Variants in PCBP3 observed in about 807,000 individuals in gnomAD.
PCBP3 encodes poly(rC) binding protein 3, also known as poly(rC)-binding protein 3.
A neutral mutation model predicts 52.7 loss-of-function variants in PCBP3; 25 were observed. The ratio of observed to expected loss-of-function variants is 0.47; its 90% CI spans 0.35 to 0.66. The LOEUF is 0.66. Ranked by LOEUF, PCBP3 falls within the 30% of genes least tolerant of loss-of-function variation. PCBP3 has a pLI of 0.01. For missense variants in PCBP3, 391 were observed against 490.3 expected (o/e 0.80, Z 1.91); for synonymous variants, 162 against 183.0 (o/e 0.89, Z 0.93).
intron 4 of PCBP3, among the ~76,000 whole-genome samples, chr21:45,757,158 C>G (rs866206137): frequency 6.6e-6 from 1 of 152,178 alleles, no homozygotes; most frequent in Non-Finnish European, 1.5e-5. Context: ...CATGTGTGAG[C>G]GTTCCGGTTT....
chr21:45,886,127 C>G (rs943219601), intron 5 of PCBP3, among the ~76,000 whole-genome samples: 1 of 98,400 alleles, frequency 1.0e-5, no homozygotes, highest in East Asian at 4.3e-4. Context: ...GCCGCTGGTA[C>G]CAAGGACAGA....
At chr21:45,911,249 G>A (rs1034705456) in intron 11 of PCBP3, 20 of 633,964 alleles carry the variant, frequency 3.2e-5, no homozygotes, top group African/African-American at 9.0e-5. Context: ...TCGTGGGGGC[G>A]TCTAGGGGAG....
intron 4 of PCBP3, among the ~76,000 whole-genome samples, chr21:45,831,828 A>G (rs2093458264): frequency 6.6e-6 from 1 of 152,192 alleles, no homozygotes; most frequent in South Asian, 2.1e-4. Flanking sequence ...CTCCTGCCTC[A>G]GCCTCCTGAG....
At chr21:45,715,926 CTT>C (rs918924145) in intron 2 of PCBP3, among the ~76,000 whole-genome samples, 4 of 152,042 alleles carry the variant, frequency 2.6e-5, no homozygotes, top group African/African-American at 9.7e-5. Flanking sequence ...TGTGGGTTGA[CTT>C]TTTACTTTTT....
intron 13 of PCBP3, among the ~76,000 whole-genome samples, chr21:45,920,217 G>A (rs560778113): frequency 5.3e-5 from 8 of 152,276 alleles, no homozygotes; most frequent in South Asian, 2.1e-4. Flanking sequence ...GACACCTTAC[G>A]GATTTCCTGT....
intron 2 of PCBP3, among the ~76,000 whole-genome samples, chr21:45,731,146 A>G (rs576845742): frequency 6.6e-6 from 1 of 151,994 alleles, no homozygotes; most frequent in Admixed American, 6.5e-5. Context: ...AGTACTTTCT[A>G]TGATCAGTTT....
chr21:45,908,711 A>G (rs542767013), intron 9 of PCBP3, among the ~76,000 whole-genome samples: 5 of 152,116 alleles, frequency 3.3e-5, no homozygotes, highest in Non-Finnish European at 7.4e-5. Flanking sequence ...GACACGCCCC[A>G]TGCGGCTGAC....
chr21:45,736,954 G>A lies in PCBP3; in HGVS notation c.-162+1525G>A, dbSNP rs1224208027. On this transcript the variant is annotated intron_variant, in intron 3 of 17. Coordinates refer to ENST00000681687, the MANE Select transcript of PCBP3 (RefSeq NM_001384156.1). This position sits in a 1 kb window ranked among gnomAD's most constrained non-coding sequence, Gnocchi z 4.6. ...GAATAGGCCGTCAGGTCAGCCCTGA[G>A]ACACGGGGCATCTGCGCGAGTCTTG... Among the ~76,000 whole-genome samples, 1 of 152,082 alleles carries A rather than the reference G, an allele frequency of 6.6e-6. No individual in the cohort carries two copies. Among genetic ancestry groups the A allele is most frequent in the African/African-American group, 2.4e-5 (1 of 41,392 alleles).
At chr21:45,644,058 G>A (rs969341808) in intron 1 of PCBP3, among the ~76,000 whole-genome samples, 190 bp downstream of exon 1, 2 of 150,138 alleles carry the variant, frequency 1.3e-5, no homozygotes, top group Admixed American at 1.3e-4. Flanking sequence ...GCGGCCCGGG[G>A]CAGCGAGGGG....
intron 1 of PCBP3, among the ~76,000 whole-genome samples, chr21:45,664,706 G>A (rs1380754968): frequency 3.3e-5 from 5 of 149,650 alleles, no homozygotes; most frequent in Admixed American, 1.3e-4. Context: ...ATGCTGGTGC[G>A]CTGCACCCAC....
At chr21:45,778,238 T>C (rs1474560520) in intron 4 of PCBP3, among the ~76,000 whole-genome samples, 2 of 152,110 alleles carry the variant, frequency 1.3e-5, no homozygotes, top group Non-Finnish European at 2.9e-5. Context: ...CAGTTAGTAG[T>C]GGAGCTGTGC....
chr21:45,814,869 G>T, intron 4 of PCBP3, among the ~76,000 whole-genome samples: 1 of 130,646 alleles, frequency 7.7e-6, no homozygotes, highest in East Asian at 2.6e-4. Context: ...GATGAGTGGT[G>T]ACTGGTGAGT....
At chr21:45,790,021 T>C (rs2091434164) in intron 4 of PCBP3, among the ~76,000 whole-genome samples, 1 of 152,086 alleles carries the variant, frequency 6.6e-6, no homozygotes. Flanking sequence ...GCGCCTGTAA[T>C]CCCAGCTACG....
rs76341343 is a variant in PCBP3 at position 45,848,657 on chromosome 21, T to C, written c.-125-1304T>C. 4.5e-3 allele frequency among the ~76,000 whole-genome samples: 689 copies of C among 152,374 alleles called. 3 individuals are homozygous for C. The highest frequency in any genetic ancestry group is 0.015 in the African/African-American group (642 of 41,594). ...CTGTCCTGGGTTAAATTAATTCTCA[T>C]TTCACAGTTTTTTGTTTTAACTGTA... On this transcript the variant is annotated intron_variant, in intron 4 of 17. Coordinates refer to ENST00000681687, the MANE Select transcript of PCBP3 (RefSeq NM_001384156.1).
chr21:45,688,898 A>G (rs1391806272), intron 2 of PCBP3, among the ~76,000 whole-genome samples: 1 of 151,964 alleles, frequency 6.6e-6, no homozygotes, highest in Non-Finnish European at 1.5e-5. Context: ...CAAATTACTA[A>G]AATTGACTCA....
At chr21:45,843,581 G>A (rs759757737) in intron 4 of PCBP3, among the ~76,000 whole-genome samples, 4 of 152,046 alleles carry the variant, frequency 2.6e-5, no homozygotes, top group Admixed American at 6.6e-5. Context: ...ACAAATTTTG[G>A]CATGCAATAA....
chr21:45,796,096 C>T (rs1273377156), intron 4 of PCBP3, among the ~76,000 whole-genome samples: 1 of 152,136 alleles, frequency 6.6e-6, no homozygotes, highest in African/African-American at 2.4e-5. Context: ...CCTGACGATC[C>T]CCTCTGCAGG....
intron 14 of PCBP3, 133 bp downstream of exon 14, chr21:45,930,128 A>G (rs774330183): frequency 1.4e-5 from 4 of 285,096 alleles, no homozygotes; most frequent in South Asian, 7.5e-5. Context: ...CGGCGTTCAC[A>G]TGCAGCAGGC....
Position 45,737,197 on chromosome 21 carries a change from C to T in PCBP3, c.-162+1768C>T, listed in dbSNP as rs920052908. Among the ~76,000 whole-genome samples, 3 of 151,830 alleles carry T rather than the reference C, an allele frequency of 2.0e-5. No homozygotes were observed. Among genetic ancestry groups the T allele is most frequent in the African/African-American group, 4.8e-5 (2 of 41,302 alleles). ...TCATCCCGAGGCTGCTCTCAGTCCA[C>T]GTGGCGTCGGGGCTGAGAGGAGCCC... On this transcript the variant is annotated intron_variant, in intron 3 of 17. Coordinates refer to ENST00000681687, the MANE Select transcript of PCBP3 (RefSeq NM_001384156.1). The surrounding 1 kb of genome is among the most constrained non-coding windows in gnomAD (Gnocchi z 4.9).
Sources: gnomAD v4.1 joint callset for allele counts (sites outside exome capture counted in the v4.1 genomes callset) on GRCh38, gnomAD v4.1.1 for gene constraint, Gnocchi (gnomAD v3.1) non-coding constraint, MANE v1.5 for transcripts, NCBI Gene and HGNC (gene_info 2026-07-23, HGNC 2026-07-21) for gene names.